The following HSPA4 variants were observed in gnomAD, a reference collection of about 807,000 sequenced individuals.
HSPA4 encodes heat shock 70 kDa protein 4.
A neutral mutation model predicts 106.2 loss-of-function variants in HSPA4; 25 were observed. The ratio of observed to expected loss-of-function variants is 0.24; its 90% CI spans 0.17 to 0.33. The LOEUF (loss-of-function observed/expected upper bound fraction) is 0.33. HSPA4 is among the 10% of genes least tolerant of loss of function. The pLI, the probability that HSPA4 is intolerant of heterozygous loss-of-function variation, is 1.00. For missense variants in HSPA4, 841 were observed against 996.0 expected (o/e 0.84, Z 2.10); for synonymous variants, 332 against 333.6 (o/e 1.00, Z 0.05).
chr5:133,077,966 G>A (rs913478468), intron 7 of HSPA4, among the ~76,000 whole-genome samples: 1 of 152,184 alleles, frequency 6.6e-6, no homozygotes, highest in African/African-American at 2.4e-5. Context: ...TTACGTGTTT[G>A]TAAGAGCTAA....
At chr5:133,075,530 C>G (rs1042482351) in intron 6 of HSPA4, among the ~76,000 whole-genome samples, 3 of 152,100 alleles carry the variant, frequency 2.0e-5, no homozygotes, top group Non-Finnish European at 2.9e-5. Context: ...CATGGTAAAA[C>G]CCTGTCTCTA....
intron 6 of HSPA4, among the ~76,000 whole-genome samples, chr5:133,075,151 T>TA (rs1189712411): frequency 1.3e-5 from 2 of 152,216 alleles, no homozygotes; most frequent in Non-Finnish European, 2.9e-5. Flanking sequence ...TGTTTTTAAA[T>TA]AAAAAGAAAG....
chr5:133,106,102 ATTTTTTTTTTT>A lies in HSPA4; in HGVS notation c.*1694_*1704del, dbSNP rs70974072. ...GCCATTTCTTCTTAAAAAAAAAAAA[ATTTTTTTTTTT>A]TTTTTTTTTTTTTTTTTTTTTTTTT... On this transcript the variant is annotated 3_prime_UTR_variant, in exon 19 of 19. Coordinates refer to ENST00000304858, the MANE Select transcript of HSPA4 (RefSeq NM_002154.4). 0.01 allele frequency: 575 copies of A among 57,146 alleles called. 55 individuals carry two copies. Among genetic ancestry groups the A allele is most frequent in the African/African-American group, 0.036 (492 of 13,502 alleles). The allele number at this position is 57,146 out of a possible 1,614,324, so 3.5% of individuals were successfully genotyped here.
chr5:133,088,516 A>G lies in HSPA4; in HGVS notation c.1098A>G (p.Leu366=), dbSNP rs1561583719. 1 of 1,614,004 alleles carries G rather than the reference A, an allele frequency of 6.2e-7. No homozygotes were observed. The highest frequency in any genetic ancestry group is 2.2e-5 in the East Asian group (1 of 44,884). ...TCGGTAAAGAACTTAGTACAACATTAAATGCTGATGAAGCTGTCACTCGAG... is the reference window on the plus strand; with the variant it reads ...TCGGTAAAGAACTTAGTACAACATTGAATGCTGATGAAGCTGTCACTCGAG... ...KFFGKELSTT[L]NADEAVTRGC... The change falls in exon 9 of 19, where the codon TTA becomes TTG. Residue 366 remains leucine, a synonymous_variant. Transcript: ENST00000304858.
chr5:133,052,452 G>T, intron 1 of HSPA4, 95 bp downstream of exon 1: 2 of 867,472 alleles, frequency 2.3e-6, no homozygotes, highest in Non-Finnish European at 3.4e-6. Flanking sequence ...GCGGGCCGAG[G>T]AGTCGCCTCC....
intron 7 of HSPA4, among the ~76,000 whole-genome samples, chr5:133,077,438 A>T (rs539022469): frequency 6.6e-6 from 1 of 152,272 alleles, no homozygotes; most frequent in South Asian, 2.1e-4. Context: ...GTGTTTCGCC[A>T]TGTTGGCCAG....
At chr5:133,069,374 C>G (rs1007031839) in intron 3 of HSPA4, among the ~76,000 whole-genome samples, 1 of 151,966 alleles carries the variant, frequency 6.6e-6, no homozygotes, top group Admixed American at 6.6e-5. Context: ...TTCAGTCTCC[C>G]TAGTAGCTGG....
chr5:133,100,641 C>T (rs943726691), intron 16 of HSPA4, among the ~76,000 whole-genome samples: 6 of 152,198 alleles, frequency 3.9e-5, no homozygotes, highest in East Asian at 1.9e-4. Context: ...AAAAATTAGC[C>T]GAGCGTGGTG....
intron 7 of HSPA4, among the ~76,000 whole-genome samples, chr5:133,085,496 A>AAAAAAAAAAAAAAAG (rs1765566673): frequency 6.7e-6 from 1 of 149,718 alleles, no homozygotes. Context: ...TACTAAAAAA[A>AAAAAAAAAAAAAAAG]AAAAAATACA....
chr5:133,096,736 G>A (rs1190502502), intron 14 of HSPA4, among the ~76,000 whole-genome samples: 4 of 152,142 alleles, frequency 2.6e-5, no homozygotes, highest in African/African-American at 9.7e-5. Context: ...ATTAATTTTT[G>A]TCTATGAGGT....
At chr5:133,084,860 T>A (rs1765558809) in intron 7 of HSPA4, among the ~76,000 whole-genome samples, 1 of 151,798 alleles carries the variant, frequency 6.6e-6, no homozygotes, top group South Asian at 2.1e-4. Context: ...CAGGCTGGAG[T>A]GCAATGGGTT....
At chr5:133,087,902 G>A (rs1765598824) in intron 8 of HSPA4, among the ~76,000 whole-genome samples, 1 of 152,206 alleles carries the variant, frequency 6.6e-6, no homozygotes, top group South Asian at 2.1e-4. Flanking sequence ...GGGATTACAA[G>A]CATGAGCCAC....
intron 16 of HSPA4, among the ~76,000 whole-genome samples, chr5:133,100,822 G>A (rs1424666933): frequency 6.6e-6 from 1 of 152,050 alleles, no homozygotes; most frequent in Non-Finnish European, 1.5e-5. Context: ...GTGGAACTGG[G>A]CCATTTTGAA....
chr5:133,074,522 C>T (rs1324213227), intron 6 of HSPA4, among the ~76,000 whole-genome samples: 2 of 152,204 alleles, frequency 1.3e-5, no homozygotes, highest in Non-Finnish European at 2.9e-5. Flanking sequence ...AGGTGATCCA[C>T]CTGCCTCGGC....
intron 13 of HSPA4, among the ~76,000 whole-genome samples, chr5:133,095,217 T>A (rs546945296): frequency 7.9e-5 from 12 of 152,086 alleles, no homozygotes; most frequent in Non-Finnish European, 1.8e-4. Context: ...CAGGAGAATC[T>A]CTTGAACCTG....
intron 12 of HSPA4, among the ~76,000 whole-genome samples, 177 bp downstream of exon 12, chr5:133,091,551 A>AT (rs1216032429): frequency 6.6e-6 from 1 of 152,144 alleles, no homozygotes; most frequent in African/African-American, 2.4e-5. Context: ...TTTATGCAGA[A>AT]TTTGTATAGA....
chr5:133,077,626 T>C (rs1039894836), intron 7 of HSPA4, among the ~76,000 whole-genome samples: 1 of 144,982 alleles, frequency 6.9e-6, no homozygotes, highest in Non-Finnish European at 1.5e-5. Flanking sequence ...TAATTGACAT[T>C]TCGGGGTTAT....
chr5:133,062,819 G>T (rs1345612389), intron 1 of HSPA4, among the ~76,000 whole-genome samples: 1 of 152,136 alleles, frequency 6.6e-6, no homozygotes, highest in Non-Finnish European at 1.5e-5. Context: ...GCTTACAGGG[G>T]TTCTTAGCCA....
rs929795898 is a variant in HSPA4, at chr5:133,087,743, C to G, written c.986-661C>G. ...GGTTAAAGCAATTCTCCTGCCTCAG[C>G]CTCCTGAGTAGCTGGGATTACAGGC... is the stretch of plus-strand genomic sequence containing the variant. On this transcript the variant is annotated intron_variant, in intron 8 of 18. Transcript: ENST00000304858. Among the ~76,000 whole-genome samples the G allele has an allele frequency of 2.6e-5, 4 of 152,232 alleles. No homozygotes were observed. In the South Asian group the frequency reaches 6.2e-4, roughly 24 times the overall value.
Sources: allele counts gnomAD v4.1 joint callset (sites outside exome capture counted in the v4.1 genomes callset), GRCh38; gene constraint gnomAD v4.1.1; transcripts MANE v1.5; gene names NCBI Gene and HGNC (gene_info 2026-07-23, HGNC 2026-07-21).